Variants in NDUFAF6 observed in about 807,000 individuals in gnomAD.
NDUFAF6 encodes NADH:ubiquinone oxidoreductase complex assembly factor 6, also known as NADH dehydrogenase (ubiquinone) complex I, assembly factor 6.
NDUFAF6 carries 45 observed loss-of-function variants against 40.8 expected under a neutral mutation model. That is an observed-to-expected ratio of 1.10 (90% CI 0.87 to 1.42). NDUFAF6 has a LOEUF of 1.42. NDUFAF6 is among the 40% of genes most tolerant of loss of function. The probability of loss-of-function intolerance (pLI) is 0.00; values close to 1 mark genes in which losing one functional copy is unlikely to be tolerated. For missense variants in NDUFAF6, 435 were observed against 418.5 expected, an observed-to-expected ratio of 1.04 and a Z score of -0.34; for synonymous variants, 185 against 155.9, an observed-to-expected ratio of 1.19 and a Z score of -1.39.
rs149391975 is a variant in NDUFAF6 at position 95,109,144 on chromosome 8, A to G, written n.344+6133A>G. On this transcript the variant is annotated intron_variant and non_coding_transcript_variant, in intron 4 of 5. Coordinates refer to the NDUFAF6 transcript ENST00000523184. ...TCCAAGCTCTTTCAGGATAACAAAC[A>G]CCTCAGACTAAATCCCCCCAAAGCT... Among the ~76,000 whole-genome samples the G allele has an allele frequency of 2.7e-3, 413 of 152,308 alleles. 2 individuals are homozygous for G. Among genetic ancestry groups the G allele is most frequent in the African/African-American group, 9.7e-3 (402 of 41,560 alleles).
At chr8:94,935,578 T>G (rs1216035046) in intron 1 of NDUFAF6, among the ~76,000 whole-genome samples, 1 of 152,228 alleles carries the variant, frequency 6.6e-6, no homozygotes, top group Non-Finnish European at 1.5e-5. Context: ...GGCAAGGATC[T>G]ATTTCTCTGT....
At chr8:94,927,722 C>T (rs1008396223) in intron 1 of NDUFAF6, 9 of 152,224 alleles carry the variant, frequency 5.9e-5, no homozygotes, top group African/African-American at 4.8e-5. Flanking sequence ...AGAAACATGG[C>T]GCACTATAAA....
At chr8:95,093,229 A>G (rs558193311) in intron 2 of NDUFAF6, among the ~76,000 whole-genome samples, 2 of 152,252 alleles carry the variant, frequency 1.3e-5, no homozygotes, top group Non-Finnish European at 2.9e-5. Flanking sequence ...AATCTACTTT[A>G]TCTATGTCTT....
At chr8:95,002,296 A>C (rs1219922111) in intron 2 of NDUFAF6, among the ~76,000 whole-genome samples, 2 of 152,124 alleles carry the variant, frequency 1.3e-5, no homozygotes, top group African/African-American at 4.8e-5. Flanking sequence ...TTCATTTTCT[A>C]TTCAGGCCAA....
At chr8:94,935,217 A>C (rs1036746012) in intron 1 of NDUFAF6, among the ~76,000 whole-genome samples, 1 of 152,178 alleles carries the variant, frequency 6.6e-6, no homozygotes, top group African/African-American at 2.4e-5. Context: ...GGACATGACA[A>C]CACTAACAAT....
At chr8:95,079,125 C>A (rs1808736149), downstream of NDUFAF6, among the ~76,000 whole-genome samples, 2 of 151,998 alleles carry the variant, frequency 1.3e-5, no homozygotes, top group Non-Finnish European at 2.9e-5. Flanking sequence ...GCATGTGCCA[C>A]CATGGCCGGC....
chr8:95,006,732 G>A (rs578045499), intron 2 of NDUFAF6, among the ~76,000 whole-genome samples: 2 of 151,696 alleles, frequency 1.3e-5, no homozygotes, highest in African/African-American at 2.4e-5. Context: ...ATACAAAAAC[G>A]AGCTGGGTGT....
chr8:95,003,606 T>C (rs914604775), intron 2 of NDUFAF6, among the ~76,000 whole-genome samples: 1 of 152,226 alleles, frequency 6.6e-6, no homozygotes, highest in African/African-American at 2.4e-5. Flanking sequence ...CTCTTACCCT[T>C]CAACACTTTG....
chr8:94,936,518 A>C (rs1008312860), intron 1 of NDUFAF6, among the ~76,000 whole-genome samples: 1 of 152,162 alleles, frequency 6.6e-6, no homozygotes, highest in Non-Finnish European at 1.5e-5. Flanking sequence ...AGGTAAAAAC[A>C]AATCGGCTCT....
chr8:94,916,078 GGT>G (rs1287110589), intron 1 of NDUFAF6, among the ~76,000 whole-genome samples: 4 of 152,184 alleles, frequency 2.6e-5, no homozygotes, highest in African/African-American at 9.7e-5. Context: ...TAAGCAAAAT[GGT>G]GTGTACTTTA....
At chr8:95,065,313 A>ATTC (rs1212543069) in intron 9 of NDUFAF6, among the ~76,000 whole-genome samples, 1 of 152,194 alleles carries the variant, frequency 6.6e-6, no homozygotes, top group Admixed American at 6.5e-5. Flanking sequence ...CTCTAGGTAA[A>ATTC]TAGTGCTGGA....
chr8:95,056,153 T>A (rs1317112350), intron 8 of NDUFAF6, among the ~76,000 whole-genome samples: 1 of 152,202 alleles, frequency 6.6e-6, no homozygotes, highest in East Asian at 1.9e-4. Context: ...CTATAGTACC[T>A]TCACTTCACT....
At chr8:94,927,723 G>A (rs1397724357) in intron 1 of NDUFAF6, 6 of 152,244 alleles carry the variant, frequency 3.9e-5, no homozygotes, top group East Asian at 1.9e-4. Context: ...GAAACATGGC[G>A]CACTATAAAA....
chr8:95,013,119 A>G (rs1033166783), intron 2 of NDUFAF6, among the ~76,000 whole-genome samples: 11 of 150,334 alleles, frequency 7.3e-5, no homozygotes, highest in African/African-American at 2.7e-4. Context: ...TTTTTTTTCT[A>G]GAGACATGGT....
chr8:95,001,242 C>T (rs10112501), intron 2 of NDUFAF6, among the ~76,000 whole-genome samples: 12,395 of 152,202 alleles, frequency 0.081, 807 homozygotes, highest in African/African-American at 0.18. Context: ...GAGTGAACCA[C>T]TGTGCCTGGC....
At chr8:94,993,459 A>G (rs1186875503) in intron 2 of NDUFAF6, among the ~76,000 whole-genome samples, 1 of 152,204 alleles carries the variant, frequency 6.6e-6, no homozygotes, top group Non-Finnish European at 1.5e-5. Flanking sequence ...GATTTGACCA[A>G]TAGAATGTGG....
intron 1 of NDUFAF6, among the ~76,000 whole-genome samples, chr8:94,943,701 C>T (rs1821755457): frequency 6.6e-6 from 1 of 152,194 alleles, no homozygotes; most frequent in Admixed American, 6.6e-5. Flanking sequence ...TGAACTGCTA[C>T]AGTTGTTTGG....
chr8:94,900,218 C>T (rs747951635), intron 1 of NDUFAF6, among the ~76,000 whole-genome samples: 9 of 151,076 alleles, frequency 6.0e-5, no homozygotes, highest in African/African-American at 2.2e-4. Flanking sequence ...CCTGGTGGAC[C>T]GCAACCCTCT....
intron 1 of NDUFAF6, among the ~76,000 whole-genome samples, chr8:94,902,366 C>T (rs1442216559): frequency 6.6e-6 from 1 of 151,660 alleles, no homozygotes; most frequent in Non-Finnish European, 1.5e-5. Flanking sequence ...TTGCAGTGAG[C>T]CCAGATCATG....
Sources: allele counts gnomAD v4.1 joint callset (sites outside exome capture counted in the v4.1 genomes callset), GRCh38; gene constraint gnomAD v4.1.1; transcripts MANE v1.5; gene names NCBI Gene and HGNC (gene_info 2026-07-23, HGNC 2026-07-21).